Variants in SEPTIN14 observed in about 807,000 individuals in gnomAD.
SEPTIN14 encodes septin-14.
Under a neutral mutation model 53.6 loss-of-function variants are expected in SEPTIN14, and 40 were observed. The ratio of observed to expected loss-of-function variants is 0.75; its 90% CI spans 0.58 to 0.97. The LOEUF is 0.97. Ranked by LOEUF, SEPTIN14 falls within the 50% of genes least tolerant of loss-of-function variation. The pLI is 0.00. For missense variants in SEPTIN14, 471 were observed against 508.2 expected, an observed-to-expected ratio of 0.93 and a Z score of 0.70; for synonymous variants, 138 against 166.8, an observed-to-expected ratio of 0.83 and a Z score of 1.33.
chr7:55,813,836 C>T (rs941758537), intron 7 of SEPTIN14, among the ~76,000 whole-genome samples: 1 of 152,178 alleles, frequency 6.6e-6, no homozygotes, highest in African/African-American at 2.4e-5. Flanking sequence ...ATGGACCCAG[C>T]CCAGCAGGAC....
chr7:55,813,918 C>T (rs1465488842), intron 7 of SEPTIN14, among the ~76,000 whole-genome samples: 1 of 152,150 alleles, frequency 6.6e-6, no homozygotes, highest in African/African-American at 2.4e-5. Flanking sequence ...TGCCATGGGC[C>T]TTGGGCAGGA....
chr7:55,832,520 G>T (rs1789127632), intron 6 of SEPTIN14, among the ~76,000 whole-genome samples: 1 of 152,058 alleles, frequency 6.6e-6, no homozygotes, highest in Non-Finnish European at 1.5e-5. Flanking sequence ...ATTAACAGTG[G>T]ACTGGATTTA....
chr7:55,806,122 G>C (rs960914866), intron 8 of SEPTIN14, among the ~76,000 whole-genome samples: 1 of 150,306 alleles, frequency 6.7e-6, no homozygotes, highest in East Asian at 2.0e-4. Context: ...TCAGCCTCCC[G>C]AGTTAACTGG....
intron 9 of SEPTIN14, among the ~76,000 whole-genome samples, chr7:55,803,124 G>A (rs944144870): frequency 6.6e-6 from 1 of 152,030 alleles, no homozygotes; most frequent in Admixed American, 6.6e-5. Context: ...TTTTAATAGA[G>A]ACAAGGTTTC....
chr7:55,807,800 G>A (rs191547947), intron 7 of SEPTIN14, among the ~76,000 whole-genome samples: 2 of 152,192 alleles, frequency 1.3e-5, no homozygotes, highest in African/African-American at 4.8e-5. Flanking sequence ...GACTGACAGT[G>A]AAGACACGGA....
chr7:55,842,579 GGT>G (rs1789331026), intron 5 of SEPTIN14, among the ~76,000 whole-genome samples: 1 of 151,332 alleles, frequency 6.6e-6, no homozygotes, highest in African/African-American at 2.4e-5. Context: ...CTCTAGCCTG[GGT>G]GACAGAGCAA....
At chr7:55,853,390 A>G (rs143351237) in intron 2 of SEPTIN14, among the ~76,000 whole-genome samples, 2,146 of 152,334 alleles carry the variant, frequency 0.014, 60 homozygotes, top group African/African-American at 0.048. Context: ...ACATGGATGG[A>G]ACCTAACATT....
intron 5 of SEPTIN14, among the ~76,000 whole-genome samples, chr7:55,836,101 A>G (rs1020830267): frequency 2.6e-5 from 4 of 152,008 alleles, no homozygotes; most frequent in Non-Finnish European, 4.4e-5. Context: ...GTGTGTGTGT[A>G]TAAGAACACC....
chr7:55,804,269 T>G (rs542638212), intron 9 of SEPTIN14, among the ~76,000 whole-genome samples: 5 of 149,718 alleles, frequency 3.3e-5, no homozygotes, highest in African/African-American at 9.7e-5. Context: ...TTTTTTTTGT[T>G]TTTTTTTTTT....
At chr7:55,835,904 G>A (rs1789197882) in intron 5 of SEPTIN14, among the ~76,000 whole-genome samples, 1 of 151,866 alleles carries the variant, frequency 6.6e-6, no homozygotes, top group African/African-American at 2.4e-5. Context: ...CACCATACCC[G>A]GTTGATTTTT....
At chr7:55,836,085 G>A (rs1789200127) in intron 5 of SEPTIN14, among the ~76,000 whole-genome samples, 1 of 152,092 alleles carries the variant, frequency 6.6e-6, no homozygotes, top group African/African-American at 2.4e-5. Context: ...ATGTGTGTGT[G>A]TGCGCGTGTG....
At chr7:55,835,185 T>TTTTATTTA (rs560812909) in intron 5 of SEPTIN14, among the ~76,000 whole-genome samples, 193 of 151,620 alleles carry the variant, frequency 1.3e-3, no homozygotes, top group African/African-American at 3.1e-3. Flanking sequence ...ATGTAAATTA[T>TTTTATTTA]TTTATTTATT....
intron 7 of SEPTIN14, among the ~76,000 whole-genome samples, chr7:55,816,314 T>G (rs575705835): frequency 6.6e-6 from 1 of 152,244 alleles, no homozygotes; most frequent in African/African-American, 2.4e-5. Flanking sequence ...CAGTCAACAA[T>G]AATTTATTGT....
chr7:55,845,438 A>G (rs1046679700), intron 3 of SEPTIN14, among the ~76,000 whole-genome samples: 7 of 152,226 alleles, frequency 4.6e-5, no homozygotes, highest in Non-Finnish European at 1.0e-4. Flanking sequence ...CATCATCCTT[A>G]GCAAACAGTT....
At chr7:55,859,308 C>A (rs1390357725) in intron 2 of SEPTIN14, among the ~76,000 whole-genome samples, 2 of 152,060 alleles carry the variant, frequency 1.3e-5, no homozygotes, top group East Asian at 3.8e-4. Context: ...CAATATCATT[C>A]TTTTGCATAT....
chr7:55,846,413 G>T, intron 3 of SEPTIN14, 104 bp downstream of exon 3: 1 of 762,686 alleles, frequency 1.3e-6, no homozygotes, highest in Non-Finnish European at 2.1e-6. Context: ...TAAACATGAA[G>T]ATATATTTGA....
intron 2 of SEPTIN14, among the ~76,000 whole-genome samples, chr7:55,861,708 G>A (rs1332618859): frequency 2.0e-5 from 3 of 152,110 alleles, no homozygotes; most frequent in Admixed American, 2.0e-4. Flanking sequence ...GTGTTAAGTA[G>A]AAATAGTCTG....
chr7:55,795,002 A>G lies in SEPTIN14; in HGVS notation c.*911T>C, dbSNP rs1788405357. The G allele has an allele frequency of 6.6e-6, 1 of 152,178 alleles. No homozygotes were observed. The highest frequency in any genetic ancestry group is 2.4e-5 in the African/African-American group (1 of 41,438). The allele number at this position is 152,178 out of a possible 1,614,324, so 9.4% of individuals were successfully genotyped here. On this transcript the variant is annotated 3_prime_UTR_variant, in exon 10 of 10. Transcript: ENST00000388975. ...GGCATATACCCCAAATCTGTAACAC[A>G]TAATATTATCATTCAAATGCAACTC...
At chr7:55,820,246 C>T (rs1788869181) in intron 6 of SEPTIN14, among the ~76,000 whole-genome samples, 1 of 152,200 alleles carries the variant, frequency 6.6e-6, no homozygotes, top group Non-Finnish European at 1.5e-5. Context: ...GGTGTTCTGT[C>T]CACCTCAGCC....
Sources: allele counts gnomAD v4.1 joint callset (sites outside exome capture counted in the v4.1 genomes callset), GRCh38; gene constraint gnomAD v4.1.1; transcripts MANE v1.5; gene names NCBI Gene and HGNC (gene_info 2026-07-23, HGNC 2026-07-21).